The following DAG1 variants were observed in gnomAD, a reference collection of about 807,000 sequenced individuals.
The protein encoded by DAG1 is dystroglycan 1 (dystrophin-associated glycoprotein 1).
In DAG1, 8 loss-of-function variants were observed where a neutral mutation model predicts 46.1. The observed-to-expected ratio is 0.17, with a 90% CI of 0.10 to 0.31. DAG1 has a LOEUF of 0.31. DAG1 is among the 10% of genes least tolerant of loss of function. The pLI, the probability that DAG1 is intolerant of heterozygous loss-of-function variation, is 1.00. For synonymous variants in DAG1, 495 were observed against 481.8 expected (o/e 1.03, Z -0.36); for missense variants, 1,003 against 1,189.9 (o/e 0.84, Z 2.31).
Position 49,488,455 on chromosome 3 carries a change from G to A in DAG1, c.-117+18022G>A, listed in dbSNP as rs1185608492. Among the ~76,000 whole-genome samples the A allele has an allele frequency of 2.0e-5, 3 of 152,128 alleles. No homozygotes were observed. The East Asian group carries it at 5.8e-4, about 29-fold the overall frequency. ...AGATATGTTCTAAGAAGAATGCAAG[G>A]ATGAGTGTGAGAACACCCTGGAGAG... is the stretch of plus-strand genomic sequence containing the variant. On this transcript the variant is annotated intron_variant, in intron 1 of 2. Coordinates refer to ENST00000308775, the MANE Select transcript of DAG1 (RefSeq NM_004393.6).
chr3:49,477,112 C>T (rs1440740307), intron 1 of DAG1, among the ~76,000 whole-genome samples: 16 of 152,112 alleles, frequency 1.1e-4, no homozygotes, highest in Admixed American at 9.8e-4. Flanking sequence ...ATTCTCCTGC[C>T]TCAGCCTCCC....
chr3:49,509,351 T>G (rs1051654963), intron 1 of DAG1, among the ~76,000 whole-genome samples: 2 of 152,142 alleles, frequency 1.3e-5, no homozygotes, highest in Non-Finnish European at 2.9e-5. Flanking sequence ...AGTTCAAGGT[T>G]ACATTGAGCT....
At chr3:49,507,829 C>T (rs1016778815) in intron 1 of DAG1, among the ~76,000 whole-genome samples, 1 of 151,846 alleles carries the variant, frequency 6.6e-6, no homozygotes, top group Non-Finnish European at 1.5e-5. Flanking sequence ...AAATTTTATC[C>T]TTTCTGCCTC....
chr3:49,514,589 A>G (rs6446281), intron 2 of DAG1, among the ~76,000 whole-genome samples: 148,437 of 152,144 alleles, frequency 0.98, 72,525 homozygotes, highest in Middle Eastern at 1. Flanking sequence ...TCCTGCCTCC[A>G]TCTCCCGAGT....
chr3:49,527,576 G>A (rs1202111456), intron 2 of DAG1, among the ~76,000 whole-genome samples: 9 of 151,690 alleles, frequency 5.9e-5, no homozygotes, highest in African/African-American at 1.9e-4. Flanking sequence ...GGTGGCGGGC[G>A]CCTGTAGTCC....
At chr3:49,492,843 A>G (rs2050223386) in intron 1 of DAG1, 1 of 151,858 alleles carries the variant, frequency 6.6e-6, no homozygotes, top group Non-Finnish European at 1.5e-5. Context: ...GATCTCCTGA[A>G]TTTCCAGGTT....
rs1463890255 is a variant in DAG1 at position 49,531,396 on chromosome 3, G to A, written c.885G>A (p.Val295=). ...CTGCTCAGCTTGGCTACCCTGTGGTGGGTTGGCACATCGCCAATAAGAAGC... is the reference window on the plus strand; with the variant it reads ...CTGCTCAGCTTGGCTACCCTGTGGTAGGTTGGCACATCGCCAATAAGAAGC... ...AMSAQLGYPV[V]GWHIANKKPP... is the part of the protein sequence containing the mutation. Residue 295 remains valine (V), a synonymous_variant, in exon 3 of 3, where the codon GTG becomes GTA. Transcript: ENST00000308775. This position sits in a 1 kb window ranked among gnomAD's most constrained non-coding sequence, Gnocchi z 7.0. The A allele has an allele frequency of 1.2e-6, 2 of 1,614,116 alleles. No homozygotes were observed. Among genetic ancestry groups the A allele is most frequent in the Non-Finnish European group, 1.7e-6 (2 of 1,180,014 alleles).
At chr3:49,482,841 G>C (rs967553305) in intron 1 of DAG1, among the ~76,000 whole-genome samples, 2 of 152,114 alleles carry the variant, frequency 1.3e-5, no homozygotes, top group Non-Finnish European at 2.9e-5. Flanking sequence ...CCTTTTCACT[G>C]TGCTGTGAAG....
rs1247864796 is a variant in DAG1 at position 49,532,350 on chromosome 3, G to T, written c.1839G>T (p.Val613=). The change falls in exon 3 of 3, where the codon GTG becomes GTT. Residue 613 remains valine, a synonymous_variant. Coordinates refer to ENST00000308775, the MANE Select transcript of DAG1 (RefSeq NM_004393.6). The surrounding 1 kb of genome is among the most constrained non-coding windows in gnomAD (Gnocchi z 5.4). ...CTGCAAGGTTCAAGGCCAAGTTTGT[G>T]GGTGACCCGGCACTGGTGTTGAATG... ...RAPARFKAKF[V]GDPALVLNDI... 6.2e-7 allele frequency: 1 copy of T among 1,614,174 alleles called. No individual in the cohort carries two copies. Among genetic ancestry groups the T allele is most frequent in the Admixed American group, 1.7e-5 (1 of 60,032 alleles).
At chr3:49,478,555 T>A in intron 1 of DAG1, among the ~76,000 whole-genome samples, 1 of 118,926 alleles carries the variant, frequency 8.4e-6, no homozygotes, top group Non-Finnish European at 1.8e-5. Context: ...TTTTTTTAAA[T>A]TTTTTGTAGA....
In DAG1 at chr3:49,485,679, T is replaced by G. The variant is rs1200102102; in HGVS notation, c.-117+15246T>G. Among the ~76,000 whole-genome samples, 3 of 68,934 alleles carry G rather than the reference T, an allele frequency of 4.4e-5. No individual in the cohort carries two copies. In the Admixed American group the frequency reaches 4.6e-4, roughly 11 times the overall value. The allele number at this position is 68,934 out of a possible 152,430, so 45.2% of individuals were successfully genotyped here. On this transcript the variant is annotated intron_variant, in intron 1 of 2. Coordinates refer to ENST00000308775, the MANE Select transcript of DAG1 (RefSeq NM_004393.6). ...TTTCTTTTTTTTTTTTTTTTTTTTT[T>G]GAGACAAGGTCTCACTCTGTCACCC...
At chr3:49,493,919 A>G (rs1431865271) in intron 1 of DAG1, among the ~76,000 whole-genome samples, 1 of 152,222 alleles carries the variant, frequency 6.6e-6, no homozygotes, top group Non-Finnish European at 1.5e-5. Flanking sequence ...CGAGAATGGA[A>G]GAATGTCTTT....
intron 2 of DAG1, among the ~76,000 whole-genome samples, chr3:49,519,877 A>G (rs1401612147): frequency 6.6e-6 from 1 of 152,218 alleles, no homozygotes; most frequent in Admixed American, 6.5e-5. Flanking sequence ...TTTTGGGGAA[A>G]AAGACTAATT....
chr3:49,525,940 C>T (rs1279257147), intron 2 of DAG1, among the ~76,000 whole-genome samples: 1 of 151,838 alleles, frequency 6.6e-6, no homozygotes, highest in Non-Finnish European at 1.5e-5. Context: ...AACCTCCGCC[C>T]TCTGGGTTCA....
Position 49,532,208 on chromosome 3 carries a change from AC to A in DAG1, c.1698del (p.Asp566GlufsTer55). 1 of 1,614,132 alleles carries A rather than the reference AC, an allele frequency of 6.2e-7. No homozygotes were observed. ...AGCCAGCTCATGTATGGCCTTCCCG[AC>A]AGCAGCCACGTGGGCAAACACGAGT... ...SNSQLMYGLP[D>X]SSHVGKHEYF... On this transcript the variant is annotated frameshift_variant, in exon 3 of 3. Coordinates refer to ENST00000308775, the MANE Select transcript of DAG1 (RefSeq NM_004393.6). LOFTEE classifies it high-confidence loss of function. This position sits in a 1 kb window ranked among gnomAD's most constrained non-coding sequence, Gnocchi z 5.4.
chr3:49,515,542 C>T (rs2050876756), intron 2 of DAG1, among the ~76,000 whole-genome samples: 1 of 151,870 alleles, frequency 6.6e-6, no homozygotes, highest in Non-Finnish European at 1.5e-5. Flanking sequence ...TGGGCCACCA[C>T]ACCCAGGTAA....
At chr3:49,486,874 A>AT (rs1417519276) in intron 1 of DAG1, among the ~76,000 whole-genome samples, 7 of 151,538 alleles carry the variant, frequency 4.6e-5, no homozygotes, top group Non-Finnish European at 1.0e-4. Flanking sequence ...ATAGTATTTG[A>AT]TTTTTTTTGT....
intron 1 of DAG1, among the ~76,000 whole-genome samples, chr3:49,499,981 T>C (rs1274143184): frequency 2.0e-5 from 3 of 151,670 alleles, no homozygotes; most frequent in Admixed American, 6.6e-5. Flanking sequence ...CTTCTTCTTT[T>C]TTTTTTTTTT....
chr3:49,479,898 C>T (rs1199204799), intron 1 of DAG1, among the ~76,000 whole-genome samples: 1 of 149,866 alleles, frequency 6.7e-6, no homozygotes, highest in Non-Finnish European at 1.5e-5. Flanking sequence ...CCTCGGCCCC[C>T]CAGAGTGCTG....
Sources: allele counts gnomAD v4.1 joint callset (sites outside exome capture counted in the v4.1 genomes callset), GRCh38; gene constraint gnomAD v4.1.1; non-coding constraint Gnocchi (gnomAD v3.1); transcripts MANE v1.5; gene names NCBI Gene and HGNC (gene_info 2026-07-23, HGNC 2026-07-21).